SEC11A: variants seen among roughly 807,000 people sequenced by gnomAD.
SEC11A encodes signal peptidase complex catalytic subunit SEC11A.
In SEC11A, 14 loss-of-function variants were observed where a neutral mutation model predicts 25.6. The observed-to-expected ratio is 0.55, with a 90% CI of 0.36 to 0.85. The LOEUF (loss-of-function observed/expected upper bound fraction) is 0.85, where lower values mean the gene tolerates loss of function less well. Among genes scored for constraint, SEC11A ranks in the 40% least tolerant of loss-of-function variants. The pLI, the probability that SEC11A is intolerant of heterozygous loss-of-function variation, is 0.01. For synonymous variants in SEC11A, 83 were observed against 76.4 expected (o/e 1.09, Z -0.45); for missense variants, 153 against 222.9 (o/e 0.69, Z 2.00).
intron 1 of SEC11A, among the ~76,000 whole-genome samples, chr15:84,702,120 TGTAAAAATTCTAAACATTTCTGCAACTA>T (rs1567042555): frequency 2.0e-5 from 3 of 151,404 alleles, no homozygotes. Context: ...ATCATGAGAA[TGTAAAAATTCTAAACATTTCTGCAACTA>T]ATAACCCGGC....
intron 4 of SEC11A, among the ~76,000 whole-genome samples, chr15:84,678,010 A>G (rs1175136843): frequency 1.3e-5 from 2 of 152,170 alleles, no homozygotes; most frequent in African/African-American, 4.8e-5. Flanking sequence ...AGCCTGGCCA[A>G]CATGGCGAAA....
intron 1 of SEC11A, among the ~76,000 whole-genome samples, chr15:84,694,512 C>T (rs1452459590): frequency 6.6e-6 from 1 of 152,062 alleles, no homozygotes; most frequent in Admixed American, 6.6e-5. Flanking sequence ...CACATACATA[C>T]AAGAATATGT....
chr15:84,696,294 C>T (rs1897766133), intron 1 of SEC11A, among the ~76,000 whole-genome samples: 1 of 152,042 alleles, frequency 6.6e-6, no homozygotes, highest in Non-Finnish European at 1.5e-5. Context: ...AAGATGGTGG[C>T]TTTTTAAAAG....
chr15:84,676,407 C>CT (rs1567033778), intron 4 of SEC11A, among the ~76,000 whole-genome samples: 13 of 150,622 alleles, frequency 8.6e-5, no homozygotes, highest in Non-Finnish European at 1.3e-4. Flanking sequence ...TGGGGGTTGC[C>CT]GTGATCATGC....
chr15:84,705,975 G>A (rs1051996174), intron 1 of SEC11A, among the ~76,000 whole-genome samples: 3 of 151,578 alleles, frequency 2.0e-5, no homozygotes, highest in South Asian at 2.1e-4. Context: ...GCAGTGGCAC[G>A]ATCTCAGCTC....
chr15:84,684,271 G>C (rs991959575), intron 3 of SEC11A, among the ~76,000 whole-genome samples: 5 of 152,134 alleles, frequency 3.3e-5, no homozygotes, highest in African/African-American at 9.7e-5. Flanking sequence ...ACAGGTCATG[G>C]GAGGTACCCA....
intron 1 of SEC11A, among the ~76,000 whole-genome samples, chr15:84,701,613 A>T (rs1448229093): frequency 1.3e-5 from 2 of 152,332 alleles, no homozygotes; most frequent in East Asian, 3.9e-4. Context: ...TGGATAAATA[A>T]AACAACGTTC....
intron 1 of SEC11A, among the ~76,000 whole-genome samples, chr15:84,702,602 T>C (rs542251739): frequency 6.6e-6 from 1 of 152,258 alleles, no homozygotes; most frequent in Admixed American, 6.5e-5. Context: ...CAGTGCCCAG[T>C]TTATAAATAT....
chr15:84,693,337 G>C (rs1897665152), intron 1 of SEC11A, among the ~76,000 whole-genome samples: 1 of 149,052 alleles, frequency 6.7e-6, no homozygotes, highest in African/African-American at 2.5e-5. Context: ...ACTTTGGCTG[G>C]ATCTTGGTTC....
rs372832845 is a variant in SEC11A at position 84,676,379 on chromosome 15, T to C, written c.431+4334A>G. Reference sequence around the variant, plus strand: ...TAATTGGGAGGCTGAGGCAGGAGAATTGTTTGAACCTGGGAGGTGGGGGTT... The same window carrying C: ...TAATTGGGAGGCTGAGGCAGGAGAACTGTTTGAACCTGGGAGGTGGGGGTT... On this transcript the variant is annotated intron_variant, in intron 4 of 5. Coordinates refer to ENST00000268220, the MANE Select transcript of SEC11A (RefSeq NM_014300.4). Among the ~76,000 whole-genome samples, 38 of 151,806 alleles carry C rather than the reference T, an allele frequency of 2.5e-4. 1 individual carries two copies. Among genetic ancestry groups the C allele is most frequent in the African/African-American group, 8.9e-4 (37 of 41,388 alleles).
Position 84,716,017 on chromosome 15 carries a change from A to G in SEC11A, c.51+8T>C, listed in dbSNP as rs750096400. ...GAGCCAGGAGAAAAAGAGGACGGAC[A>G]AGCTCACCTGCCGCTTGTTCATCCG... On this transcript the variant is annotated splice_region_variant and intron_variant, in intron 1 of 5. Coordinates refer to ENST00000268220, the MANE Select transcript of SEC11A (RefSeq NM_014300.4). 2 of 1,613,172 alleles carry G rather than the reference A, an allele frequency of 1.2e-6. No homozygotes were observed. The highest frequency in any genetic ancestry group is 3.3e-5 in the Admixed American group (2 of 59,864).
At chr15:84,703,557 T>C (rs1567042934) in intron 1 of SEC11A, among the ~76,000 whole-genome samples, 1 of 152,170 alleles carries the variant, frequency 6.6e-6, no homozygotes, top group East Asian at 1.9e-4. Flanking sequence ...CAGACAGCTA[T>C]AGCATTACAA....
At chr15:84,687,138 C>G (rs1223391405) in intron 3 of SEC11A, among the ~76,000 whole-genome samples, 3 of 152,140 alleles carry the variant, frequency 2.0e-5, no homozygotes, top group African/African-American at 7.2e-5. Context: ...TCCCAAAGTG[C>G]TGGGATTACA....
intron 1 of SEC11A, among the ~76,000 whole-genome samples, chr15:84,709,521 C>T (rs1020726344): frequency 3.3e-5 from 5 of 151,934 alleles, no homozygotes; most frequent in East Asian, 1.9e-4. Context: ...TGGCTCACTA[C>T]GACCACCGTC....
chr15:84,687,074 G>C (rs924738983), intron 3 of SEC11A: 2 of 152,316 alleles, frequency 1.3e-5, no homozygotes, highest in African/African-American at 4.8e-5. Flanking sequence ...GTTTCACGAT[G>C]TTAGCCAGGC....
At chr15:84,712,260 A>G (rs1191259669) in intron 1 of SEC11A, among the ~76,000 whole-genome samples, 1 of 151,716 alleles carries the variant, frequency 6.6e-6, no homozygotes, top group Non-Finnish European at 1.5e-5. Context: ...AAAAATTCTA[A>G]GAAACCCAAC....
chr15:84,692,707 C>T (rs2141898175), intron 1 of SEC11A, among the ~76,000 whole-genome samples: 1 of 152,218 alleles, frequency 6.6e-6, no homozygotes, highest in South Asian at 2.1e-4. Flanking sequence ...TGACTAGACA[C>T]CATGGCAAAT....
chr15:84,702,848 A>G (rs1897989126), intron 1 of SEC11A, among the ~76,000 whole-genome samples: 1 of 152,160 alleles, frequency 6.6e-6, no homozygotes, highest in Non-Finnish European at 1.5e-5. Flanking sequence ...ACAATTCTAC[A>G]CACTAACTCT....
At chr15:84,709,723 G>A (rs1042093381) in intron 1 of SEC11A, among the ~76,000 whole-genome samples, 6 of 151,662 alleles carry the variant, frequency 4.0e-5, no homozygotes, top group Admixed American at 1.3e-4. Context: ...GATTACAAGC[G>A]TGAGCCACTG....
Sources: gnomAD v4.1 joint callset for allele counts (sites outside exome capture counted in the v4.1 genomes callset) on GRCh38, gnomAD v4.1.1 for gene constraint, MANE v1.5 for transcripts, NCBI Gene and HGNC (gene_info 2026-07-23, HGNC 2026-07-21) for gene names.